Variants in CROCC2 observed in about 807,000 individuals in gnomAD.
CROCC2 encodes ciliary rootlet coiled-coil, rootletin family member 2.
CROCC2 carries 163 observed loss-of-function variants against 177.6 expected under a neutral mutation model. The observed-to-expected ratio is 0.92, with a 90% CI of 0.81 to 1.05. The LOEUF is 1.05. Ranked by LOEUF, CROCC2 falls within the 50% of genes least tolerant of loss-of-function variation. The pLI, the probability that CROCC2 is intolerant of heterozygous loss-of-function variation, is 0.00. For synonymous variants in CROCC2, 904 were observed against 787.3 expected (o/e 1.15, Z -2.48); for missense variants, 1,929 against 1,797.8 (o/e 1.07, Z -1.32).
chr2:240,947,397 A>G (rs186114000), intron 15 of CROCC2, among the ~76,000 whole-genome samples: 7 of 152,254 alleles, frequency 4.6e-5, no homozygotes, highest in Admixed American at 4.6e-4. Context: ...CTGCCCTGAC[A>G]GCTGCCCCTA....
chr2:240,915,509 G>A (rs2059314387), intron 1 of CROCC2, among the ~76,000 whole-genome samples: 1 of 152,230 alleles, frequency 6.6e-6, no homozygotes, highest in African/African-American at 2.4e-5. Context: ...TTTCACAGAT[G>A]GGGACATGAG....
At chr2:240,913,232 C>A (rs2059299447) in intron 1 of CROCC2, among the ~76,000 whole-genome samples, 1 of 152,036 alleles carries the variant, frequency 6.6e-6, no homozygotes, top group Middle Eastern at 3.2e-3. Flanking sequence ...TCCCCCAGAC[C>A]CTGCACAGAC....
intron 28 of CROCC2, among the ~76,000 whole-genome samples, chr2:240,986,378 C>A (rs2059841051): frequency 1.3e-5 from 2 of 152,180 alleles, no homozygotes; most frequent in African/African-American, 4.8e-5. Flanking sequence ...CCCCTTGACC[C>A]CAGAGCCCCA....
At position 240,925,016 on chromosome 2, in the gene CROCC2, A is replaced by G. The variant is rs536930517; in HGVS notation, c.489-708A>G. Among the ~76,000 whole-genome samples, 458 of 104,998 alleles carry G rather than the reference A, an allele frequency of 4.4e-3. 41 individuals are homozygous for G. Among genetic ancestry groups the G allele is most frequent in the East Asian group, 0.037 (89 of 2,396 alleles). 68.9% of individuals were successfully genotyped at this position (104,998 alleles called of 152,430 possible). ...CTGACCCGGCCCCCCACACTGACCC[A>G]GCCCCCACATTAACCCAGCCCTGCA... On this transcript the variant is annotated intron_variant, in intron 4 of 31. Transcript: ENST00000690015.
chr2:240,981,498 A>T (rs1211763039), intron 27 of CROCC2: 1 of 152,232 alleles, frequency 6.6e-6, no homozygotes, highest in Non-Finnish European at 1.5e-5. Flanking sequence ...GGGGCTGTGC[A>T]TTAAGGGAGT....
intron 3 of CROCC2, among the ~76,000 whole-genome samples, chr2:240,921,728 C>T (rs536395623): frequency 6.1e-4 from 93 of 152,330 alleles, no homozygotes; most frequent in African/African-American, 1.7e-3. Context: ...CCCCAGACCC[C>T]GCCCGGCTCC....
chr2:240,911,635 C>T lies in CROCC2; in HGVS notation c.78+5044C>T, dbSNP rs543531057. ...TCTTCCCAAACTGAGACTCTGCCCCCATTCAACATTCACGCCCCATTCCCC... is the reference window on the plus strand; with the variant it reads ...TCTTCCCAAACTGAGACTCTGCCCCTATTCAACATTCACGCCCCATTCCCC... On this transcript the variant is annotated intron_variant, in intron 1 of 31. Transcript: ENST00000690015. Among the ~76,000 whole-genome samples the T allele has an allele frequency of 2.6e-5, 4 of 152,120 alleles. No individual in the cohort carries two copies. In the South Asian group the frequency reaches 8.3e-4, roughly 32 times the overall value.
In CROCC2 at chr2:240,932,863, G is replaced by A; in HGVS notation, c.1206G>A (p.Leu402=). The part of the protein sequence containing the change: ...ICSPATLDPA[L]QAMRAAIERR... ...CCCCAGCCACCCTGGACCCCGCACT[G>A]CAGGCCATGCGGGCAGCCATAGAGA... is the stretch of plus-strand genomic sequence containing the variant. Residue 402 remains leucine (L), a synonymous_variant, in exon 9 of 32, where the codon CTG becomes CTA. Coordinates refer to ENST00000690015, the MANE Select transcript of CROCC2 (RefSeq NM_001351305.2). 6.5e-7 allele frequency: 1 copy of A among 1,546,744 alleles called. No individual in the cohort carries two copies.
At chr2:240,912,542 T>C (rs959128499) in intron 1 of CROCC2, among the ~76,000 whole-genome samples, 1 of 152,204 alleles carries the variant, frequency 6.6e-6, no homozygotes, top group African/African-American at 2.4e-5. Context: ...CAGGTCAAGG[T>C]ACAGGGGGCA....
At chr2:240,986,727 C>A (rs906028273) in intron 28 of CROCC2, among the ~76,000 whole-genome samples, 1 of 152,196 alleles carries the variant, frequency 6.6e-6, no homozygotes, top group Admixed American at 6.5e-5. Context: ...GCTGCTGAGG[C>A]CCTGCAGGAA....
chr2:240,936,750 T>C (rs769009953), intron 14 of CROCC2, among the ~76,000 whole-genome samples: 2 of 152,176 alleles, frequency 1.3e-5, no homozygotes, highest in African/African-American at 2.4e-5. Flanking sequence ...ACAAAGAGCA[T>C]TGTGGCTTAT....
intron 27 of CROCC2, among the ~76,000 whole-genome samples, chr2:240,975,921 G>T (rs964523241): frequency 1.3e-5 from 2 of 151,954 alleles, no homozygotes; most frequent in East Asian, 1.9e-4. Context: ...AGTAGGACTG[G>T]GGCTTCATTG....
In CROCC2 at chr2:240,953,554, G is replaced by A. The variant is rs2059570476; in HGVS notation, c.2830-2305G>A. 6.6e-6 allele frequency among the ~76,000 whole-genome samples: 1 copy of A among 152,172 alleles called. No individual in the cohort carries two copies. Among genetic ancestry groups the A allele is most frequent in the Non-Finnish European group, 1.5e-5 (1 of 68,038 alleles). On this transcript the variant is annotated intron_variant, in intron 18 of 31. Coordinates refer to ENST00000690015, the MANE Select transcript of CROCC2 (RefSeq NM_001351305.2). The surrounding 1 kb of genome is among the most constrained non-coding windows in gnomAD (Gnocchi z 4.0). Reference sequence around the variant, plus strand: ...ACAGCACAGACGGGCTGGCCTGTGGGGAGCCCTTGCCGGTGCAGCAAGTGA... The same window carrying A: ...ACAGCACAGACGGGCTGGCCTGTGGAGAGCCCTTGCCGGTGCAGCAAGTGA...
chr2:240,942,495 A>G (rs1313025560), intron 14 of CROCC2, among the ~76,000 whole-genome samples: 1 of 152,164 alleles, frequency 6.6e-6, no homozygotes, highest in Non-Finnish European at 1.5e-5. Context: ...GTCTCCTAGT[A>G]TGCTTAATAT....
rs58145871 is a variant in CROCC2 at position 240,928,420 on chromosome 2, TTGTGTGTGTG to T, written c.646-1722_646-1713del. Among the ~76,000 whole-genome samples the T allele has an allele frequency of 2.4e-3, 352 of 147,764 alleles. 8 individuals are homozygous for T. Among genetic ancestry groups the T allele is most frequent in the Admixed American group, 0.018 (268 of 14,818 alleles). The stretch of plus-strand genomic sequence containing the variant: ...TCTTGCAGGGTCATGTGTGCCTGTT[TTGTGTGTGTG>T]TGTGTGTGTGTGTGTGTGTGTGTAG... On this transcript the variant is annotated intron_variant, in intron 5 of 31. Coordinates refer to ENST00000690015, the MANE Select transcript of CROCC2 (RefSeq NM_001351305.2).
chr2:240,952,850 A>G (rs1193570696), intron 18 of CROCC2, among the ~76,000 whole-genome samples: 1 of 152,000 alleles, frequency 6.6e-6, no homozygotes, highest in Non-Finnish European at 1.5e-5. Context: ...GGCAGGGTCC[A>G]TGCGAGAGGG....
At chr2:240,951,078 C>CTCATCCATCCATCCACCCATCCACCTGT (rs2059553175) in intron 18 of CROCC2, 1 of 150,922 alleles carries the variant, frequency 6.6e-6, no homozygotes, top group African/African-American at 2.5e-5. Flanking sequence ...CATTCACCTC[C>CTCATCCATCCATCCACCCATCCACCTGT]TCATCCATCC....
Position 240,931,138 on chromosome 2 carries a change from C to T in CROCC2, c.947+10C>T. On this transcript the variant is annotated intron_variant, in intron 7 of 31. Coordinates refer to ENST00000690015, the MANE Select transcript of CROCC2 (RefSeq NM_001351305.2). ...TGGCGCTCCAGGCCAGGTGGGCGCC[C>T]AGGGCCAGCAAGCTTGCACAGGGAG... 1.4e-6 allele frequency: 1 copy of T among 706,518 alleles called. No homozygotes were observed. The highest frequency in any genetic ancestry group is 1.5e-5 in the South Asian group (1 of 66,966). 43.8% of individuals were successfully genotyped at this position (706,518 alleles called of 1,614,324 possible).
chr2:240,961,129 C>T (rs572144170), intron 20 of CROCC2, among the ~76,000 whole-genome samples: 2 of 152,188 alleles, frequency 1.3e-5, no homozygotes, highest in East Asian at 1.9e-4. Context: ...CCCGTGCAGG[C>T]GCCAGGCTGG....
Sources: gnomAD v4.1 joint callset for allele counts (sites outside exome capture counted in the v4.1 genomes callset) on GRCh38, gnomAD v4.1.1 for gene constraint, Gnocchi (gnomAD v3.1) non-coding constraint, MANE v1.5 for transcripts, NCBI Gene and HGNC (gene_info 2026-07-23, HGNC 2026-07-21) for gene names.